FER: variants seen among roughly 807,000 people sequenced by gnomAD.
The protein encoded by FER is tyrosine-protein kinase Fer.
In FER, 63 loss-of-function variants were observed where a neutral mutation model predicts 111.0. That is an observed-to-expected ratio of 0.57 (90% CI 0.46 to 0.70). The LOEUF is 0.70. FER is among the 30% of genes least tolerant of loss of function. The probability of loss-of-function intolerance (pLI) is 0.00; values close to 1 mark genes in which losing one functional copy is unlikely to be tolerated. For missense variants in FER, 914 were observed against 954.0 expected (o/e 0.96, Z 0.55); for synonymous variants, 327 against 313.9 (o/e 1.04, Z -0.44).
At chr5:108,994,470 T>A (rs1763739575) in intron 13 of FER, among the ~76,000 whole-genome samples, 1 of 152,234 alleles carries the variant, frequency 6.6e-6, no homozygotes, top group South Asian at 2.1e-4. Context: ...TTGGTCTTTG[T>A]GTCTGTTTCT....
chr5:109,139,350 C>CTTTTTTTTTTTTTT (rs59092426), intron 17 of FER, among the ~76,000 whole-genome samples: 16 of 91,090 alleles, frequency 1.8e-4, no homozygotes, highest in African/African-American at 5.7e-4. Context: ...TTCTTTCTTT[C>CTTTTTTTTTTTTTT]TTTTTTTTTT....
At chr5:109,014,608 A>G (rs1160141518) in intron 13 of FER, among the ~76,000 whole-genome samples, 2 of 152,028 alleles carry the variant, frequency 1.3e-5, no homozygotes, top group Admixed American at 6.5e-5. Context: ...GTTTTTTCCA[A>G]TTCTGTGAAG....
At chr5:109,120,865 G>A (rs747187681) in intron 17 of FER, among the ~76,000 whole-genome samples, 3 of 152,010 alleles carry the variant, frequency 2.0e-5, no homozygotes, top group Non-Finnish European at 1.5e-5. Flanking sequence ...TGTTGTAAAT[G>A]AAACTACTTT....
chr5:108,987,805 C>CTCTG (rs138694254), intron 13 of FER, among the ~76,000 whole-genome samples: 1,716 of 152,154 alleles, frequency 0.011, 25 homozygotes, highest in African/African-American at 0.039. Flanking sequence ...TGTCTGATTG[C>CTCTG]TCTGGCTAGG....
intron 17 of FER, among the ~76,000 whole-genome samples, chr5:109,121,890 C>T (rs1214948115): frequency 6.6e-6 from 1 of 151,910 alleles, no homozygotes; most frequent in Non-Finnish European, 1.5e-5. Context: ...CTTATAGTTC[C>T]TCATAGTAGC....
intron 3 of FER, among the ~76,000 whole-genome samples, chr5:108,814,015 T>G (rs1383763876): frequency 6.6e-6 from 1 of 152,176 alleles, no homozygotes; most frequent in Non-Finnish European, 1.5e-5. Flanking sequence ...AGATTTGAAT[T>G]CCTTTTATAT....
intron 12 of FER, among the ~76,000 whole-genome samples, chr5:108,955,291 T>G (rs572064206): frequency 3.8e-4 from 58 of 151,862 alleles, no homozygotes; most frequent in African/African-American, 1.4e-3. Context: ...CTTATACTTT[T>G]GAAATTGGAG....
intron 3 of FER, among the ~76,000 whole-genome samples, chr5:108,800,776 G>A (rs1046104058): frequency 3.3e-5 from 5 of 152,244 alleles, no homozygotes; most frequent in African/African-American, 1.2e-4. Context: ...GCCGGGCGTG[G>A]TGGCTCACGC....
chr5:109,057,760 C>T (rs1773831215), intron 16 of FER, among the ~76,000 whole-genome samples: 1 of 152,144 alleles, frequency 6.6e-6, no homozygotes, highest in Non-Finnish European at 1.5e-5. Context: ...AAGAAAACTC[C>T]AGGCCTAGAT....
intron 13 of FER, among the ~76,000 whole-genome samples, chr5:109,012,211 T>A (rs565434655): frequency 1.3e-5 from 2 of 152,372 alleles, no homozygotes; most frequent in South Asian, 4.1e-4. Flanking sequence ...TAGGTTTGCT[T>A]AAAATGCTTA....
At chr5:108,782,611 G>C (rs1330410391) in intron 2 of FER, 1 of 151,958 alleles carries the variant, frequency 6.6e-6, no homozygotes, top group Non-Finnish European at 1.5e-5. Flanking sequence ...TTACATGTAA[G>C]TCCATAATCC....
intron 13 of FER, among the ~76,000 whole-genome samples, chr5:109,000,760 G>C (rs1764661480): frequency 6.6e-6 from 1 of 151,768 alleles, no homozygotes; most frequent in African/African-American, 2.4e-5. Context: ...CCGCTAGCAA[G>C]ACTAATAAAG....
In FER at chr5:108,798,300, A is replaced by ATGC; in HGVS notation, c.118_119insTGC (p.Lys40delinsMetGln). 6.2e-7 allele frequency: 1 copy of ATGC among 1,613,956 alleles called. No homozygotes were observed. Among genetic ancestry groups the ATGC allele is most frequent in the Non-Finnish European group, 8.5e-7 (1 of 1,179,826 alleles). On this transcript the variant is annotated protein_altering_variant, in exon 3 of 20. Transcript: ENST00000281092. ...TATGGCCCTGAGAATAAAAAGTGAT[A>ATGC]AAGAATATGCATCTACTTTACAGAA...
intron 8 of FER, among the ~76,000 whole-genome samples, chr5:108,879,859 G>A (rs1765509484): frequency 6.6e-6 from 1 of 151,044 alleles, no homozygotes; most frequent in Non-Finnish European, 1.5e-5. Context: ...ACAGGTGCCT[G>A]CCACCACACC....
At chr5:109,172,039 A>C (rs1005202635) in intron 17 of FER, among the ~76,000 whole-genome samples, 4 of 152,282 alleles carry the variant, frequency 2.6e-5, no homozygotes, top group East Asian at 1.9e-4. Context: ...GTTGGTGGGA[A>C]GGTAAACTAG....
chr5:108,837,077 G>A (rs544332444), intron 5 of FER, among the ~76,000 whole-genome samples: 3 of 152,270 alleles, frequency 2.0e-5, no homozygotes, highest in Non-Finnish European at 4.4e-5. Context: ...TTTTAGTGAA[G>A]CAAAGAAAGA....
rs915601930 is a variant in FER, at chr5:109,192,697, AATGGGAC to A, written c.*5123_*5129del. The A allele has an allele frequency of 2.6e-5, 4 of 152,170 alleles. No individual in the cohort carries two copies. Among genetic ancestry groups the A allele is most frequent in the Admixed American group, 6.5e-5 (1 of 15,274 alleles). The allele number at this position is 152,170 out of a possible 1,614,324, so 9.4% of individuals were successfully genotyped here. A position where few individuals can be genotyped will look rare whatever the true frequency, so the allele number is the denominator to read the frequency against. On this transcript the variant is annotated 3_prime_UTR_variant, in exon 20 of 20. Coordinates refer to ENST00000281092, the MANE Select transcript of FER (RefSeq NM_005246.4). ...GCTTAACCTGGGCTAAAGTCTCCTA[AATGGGAC>A]TACACTTAGATCCGCCCTATTTCAC...
intron 17 of FER, among the ~76,000 whole-genome samples, chr5:109,129,687 A>T (rs1403800388): frequency 6.6e-6 from 1 of 152,046 alleles, no homozygotes; most frequent in Non-Finnish European, 1.5e-5. Flanking sequence ...TTTAGAACAT[A>T]CTCTGATATG....
At chr5:108,773,260 G>A (rs1288152718) in intron 2 of FER, among the ~76,000 whole-genome samples, 2 of 152,062 alleles carry the variant, frequency 1.3e-5, no homozygotes, top group African/African-American at 2.4e-5. Flanking sequence ...CATGTGCCAT[G>A]GTGGTTCGCT....
Sources: gnomAD v4.1 joint callset for allele counts (sites outside exome capture counted in the v4.1 genomes callset) on GRCh38, gnomAD v4.1.1 for gene constraint, MANE v1.5 for transcripts, NCBI Gene and HGNC (gene_info 2026-07-23, HGNC 2026-07-21) for gene names.